The following DPP10 variants were observed in gnomAD, a reference collection of about 807,000 sequenced individuals.
DPP10 encodes the protein dipeptidyl peptidase like 10.
A neutral mutation model predicts 120.9 loss-of-function variants in DPP10; 33 were observed. The ratio of observed to expected loss-of-function variants is 0.27; its 90% CI spans 0.21 to 0.37. The LOEUF (loss-of-function observed/expected upper bound fraction) is 0.37. DPP10 is among the 10% of genes least tolerant of loss of function. The pLI, the probability that DPP10 is intolerant of heterozygous loss-of-function variation, is 1.00. For missense variants in DPP10, 816 were observed against 942.8 expected (o/e 0.87, Z 1.76); for synonymous variants, 337 against 326.1 (o/e 1.03, Z -0.36).
At position 115,207,081 on chromosome 2, in the gene DPP10, A is replaced by G. The variant is rs1484931138; in HGVS notation, c.61-102158A>G. Among the ~76,000 whole-genome samples, 5 of 152,312 alleles carry G rather than the reference A, an allele frequency of 3.3e-5. No individual in the cohort carries two copies. The East Asian group carries it at 9.7e-4, about 29-fold the overall frequency. On this transcript the variant is annotated intron_variant, in intron 1 of 25. Coordinates refer to ENST00000410059, the MANE Select transcript of DPP10 (RefSeq NM_020868.6). ...GAATCTCCTTTTTGTGTGCATAATA[A>G]ACATTCCTGCTTTGTGTAATTTTAA...
At chr2:115,613,436 C>T (rs973345449) in intron 5 of DPP10, among the ~76,000 whole-genome samples, 1 of 152,168 alleles carries the variant, frequency 6.6e-6, no homozygotes, top group African/African-American at 2.4e-5. Context: ...CTCTCATGAG[C>T]TCAGTTCTTG....
In DPP10 at chr2:114,945,098, A is replaced by G. The variant is rs537104783; in HGVS notation, c.61-364141A>G. Among the ~76,000 whole-genome samples the G allele has an allele frequency of 1.3e-4, 20 of 152,370 alleles. No homozygotes were observed. The South Asian group carries it at 4.1e-3, about 32-fold the overall frequency. ...TAGACACCAATTCAAAATAAATTGT[A>G]TACCTACAGGTTACACGTAAAATGC... is the stretch of plus-strand genomic sequence containing the variant. On this transcript the variant is annotated intron_variant, in intron 1 of 25. Transcript: ENST00000410059.
At chr2:114,689,787 G>C (rs747273555) in intron 1 of DPP10, among the ~76,000 whole-genome samples, 1 of 151,960 alleles carries the variant, frequency 6.6e-6, no homozygotes, top group African/African-American at 2.4e-5. Context: ...TGACTAGCAT[G>C]GTACCTCATT....
chr2:114,896,900 G>A (rs1197440434), intron 1 of DPP10, among the ~76,000 whole-genome samples: 2 of 152,010 alleles, frequency 1.3e-5, no homozygotes, highest in African/African-American at 2.4e-5. Context: ...ATTATTTTGA[G>A]ATACGTCCCA....
intron 1 of DPP10, among the ~76,000 whole-genome samples, chr2:114,748,113 T>C (rs1678757059): frequency 6.6e-6 from 1 of 152,094 alleles, no homozygotes; most frequent in Non-Finnish European, 1.5e-5. Context: ...TAGACATTTA[T>C]TTTTATTCCA....
chr2:115,719,925 A>G (rs2092603014), intron 7 of DPP10, among the ~76,000 whole-genome samples: 1 of 152,196 alleles, frequency 6.6e-6, no homozygotes, highest in African/African-American at 2.4e-5. Context: ...ACCCACAAAG[A>G]TAATCATTAT....
At chr2:114,801,284 A>AAAGG (rs59445904) in intron 1 of DPP10, among the ~76,000 whole-genome samples, 2 of 132,752 alleles carry the variant, frequency 1.5e-5, no homozygotes, top group African/African-American at 2.9e-5. Context: ...AAAAAAGAAA[A>AAAGG]AAAGAAAGAA....
intron 1 of DPP10, among the ~76,000 whole-genome samples, chr2:114,659,589 A>C (rs542384776): frequency 9.2e-5 from 14 of 152,150 alleles, no homozygotes; most frequent in African/African-American, 3.1e-4. Context: ...GAGTGCATTC[A>C]TTGCTTCCTG....
chr2:114,751,643 T>G (rs1290448572), intron 1 of DPP10, among the ~76,000 whole-genome samples: 1 of 152,226 alleles, frequency 6.6e-6, no homozygotes, highest in African/African-American at 2.4e-5. Flanking sequence ...ACCAATGAGC[T>G]AGCAGAAGGT....
At chr2:115,400,701 C>A (rs187396869) in intron 3 of DPP10, among the ~76,000 whole-genome samples, 164 of 152,226 alleles carry the variant, frequency 1.1e-3, no homozygotes, top group Non-Finnish European at 2.0e-3. Context: ...CATTTCAAGG[C>A]ACATATGTCA....
chr2:115,034,425 A>C (rs536538090), intron 1 of DPP10, among the ~76,000 whole-genome samples: 2 of 152,308 alleles, frequency 1.3e-5, no homozygotes, highest in Admixed American at 1.3e-4. Context: ...TCACCTCAGC[A>C]TGGGATTCGT....
At position 115,457,247 on chromosome 2, in the gene DPP10, C is replaced by G. The variant is rs2073635584; in HGVS notation, c.272-42263C>G. On this transcript the variant is annotated intron_variant, in intron 3 of 25. Transcript: ENST00000410059. Reference sequence around the variant, plus strand: ...AAAATGAATTTAGACCCTGATACCACAATAGAAAAAAAATTCAGAATATAG... The same window carrying G: ...AAAATGAATTTAGACCCTGATACCAGAATAGAAAAAAAATTCAGAATATAG... 2.0e-5 allele frequency among the ~76,000 whole-genome samples: 3 copies of G among 151,696 alleles called. No homozygotes were observed. The Middle Eastern group carries it at 0.01, about 530-fold the overall frequency.
intron 5 of DPP10, among the ~76,000 whole-genome samples, chr2:115,563,515 G>C (rs1230498043): frequency 1.3e-5 from 2 of 152,096 alleles, no homozygotes. Context: ...ACAGTGATGT[G>C]GAAAATATAG....
intron 1 of DPP10, among the ~76,000 whole-genome samples, chr2:114,635,430 A>G (rs1229222194): frequency 6.6e-6 from 1 of 151,956 alleles, no homozygotes; most frequent in East Asian, 1.9e-4. Context: ...AAATCACAAT[A>G]CTGCTATCTT....
At chr2:115,742,881 A>G (rs934021870) in intron 9 of DPP10, among the ~76,000 whole-genome samples, 4 of 152,106 alleles carry the variant, frequency 2.6e-5, no homozygotes, top group Non-Finnish European at 5.9e-5. Flanking sequence ...AAATACAGTA[A>G]ACAAATATAT....
intron 5 of DPP10, among the ~76,000 whole-genome samples, chr2:115,625,703 C>T (rs967412753): frequency 4.6e-5 from 7 of 152,024 alleles, no homozygotes; most frequent in African/African-American, 1.7e-4. Flanking sequence ...GGAATCTCTC[C>T]TCACGTAAAA....
chr2:115,285,502 T>G (rs2060328232), intron 1 of DPP10, among the ~76,000 whole-genome samples: 1 of 152,090 alleles, frequency 6.6e-6, no homozygotes, highest in Non-Finnish European at 1.5e-5. Flanking sequence ...GTTACACCGG[T>G]GACCTTTCTG....
At chr2:115,415,439 A>T (rs139620647) in intron 3 of DPP10, among the ~76,000 whole-genome samples, 1 of 152,254 alleles carries the variant, frequency 6.6e-6, no homozygotes, top group African/African-American at 2.4e-5. Flanking sequence ...TTCTACAGAG[A>T]TAGCCTCTGA....
At chr2:114,951,624 A>C (rs1379619862) in intron 1 of DPP10, among the ~76,000 whole-genome samples, 1 of 152,160 alleles carries the variant, frequency 6.6e-6, no homozygotes, top group Non-Finnish European at 1.5e-5. Flanking sequence ...TAAGCAGTAA[A>C]ATTAGAATTT....
Sources: allele counts gnomAD v4.1 joint callset (sites outside exome capture counted in the v4.1 genomes callset), GRCh38; gene constraint gnomAD v4.1.1; transcripts MANE v1.5; gene names NCBI Gene and HGNC (gene_info 2026-07-23, HGNC 2026-07-21).